The following RNF130 variants were observed in gnomAD, a reference collection of about 807,000 sequenced individuals.
RNF130 encodes the protein ring finger protein 130, also known as E3 ubiquitin-protein ligase RNF130.
Under a neutral mutation model 44.6 loss-of-function variants are expected in RNF130, and 21 were observed. The ratio of observed to expected loss-of-function variants is 0.47; its 90% CI spans 0.33 to 0.68. The LOEUF (loss-of-function observed/expected upper bound fraction) is 0.68. RNF130 is among the 30% of genes least tolerant of loss of function. RNF130 has a pLI of 0.02. For missense variants in RNF130, 479 were observed against 560.6 expected (o/e 0.85, Z 1.47); for synonymous variants, 214 against 210.4 (o/e 1.02, Z -0.15).
At chr5:179,973,357 C>T (rs928517861) in intron 5 of RNF130, among the ~76,000 whole-genome samples, 13 of 152,314 alleles carry the variant, frequency 8.5e-5, no homozygotes, top group Non-Finnish European at 1.8e-4. Context: ...ATTGTCTAAC[C>T]CTCCTGCTAG....
intron 7 of RNF130, among the ~76,000 whole-genome samples, chr5:179,920,936 A>G (rs1388349791): frequency 1.3e-5 from 2 of 151,740 alleles, no homozygotes; most frequent in Non-Finnish European, 2.9e-5. Flanking sequence ...CTGAATTCCC[A>G]CTGTGGAAGA....
At chr5:180,008,348 G>A (rs62404979) in intron 3 of RNF130, among the ~76,000 whole-genome samples, 30,619 of 152,054 alleles carry the variant, frequency 0.2, 3,311 homozygotes, top group Middle Eastern at 0.25. Context: ...AGAGCCCAGT[G>A]GGAATAGGCT....
intron 2 of RNF130, among the ~76,000 whole-genome samples, chr5:180,022,950 G>A (rs1449425436): frequency 6.6e-6 from 1 of 152,192 alleles, no homozygotes; most frequent in African/African-American, 2.4e-5. Context: ...GAGGAAAGTG[G>A]GCTACAGAAG....
At chr5:179,949,246 A>T (rs1388191037) in intron 7 of RNF130, among the ~76,000 whole-genome samples, 5 of 151,574 alleles carry the variant, frequency 3.3e-5, no homozygotes, top group African/African-American at 4.8e-5. Flanking sequence ...GATTACAGGC[A>T]TGAGCCACCG....
At chr5:180,044,974 T>G (rs1174674065) in intron 1 of RNF130, among the ~76,000 whole-genome samples, 1 of 152,172 alleles carries the variant, frequency 6.6e-6, no homozygotes, top group African/African-American at 2.4e-5. Context: ...CAAGATTTAG[T>G]GTTAGCTGGA....
rs371226485 is a variant in RNF130, at chr5:180,013,193, C to T, written c.561G>A (p.Pro187=). ...MTIAVGTRMP[P]KNFSRGSLVF... ...CTAGAGAGCCACGGCTGAAGTTCTTCGGTGGCATTCGAGTTCCAACAGCTA... is the reference window on the plus strand; with the variant it reads ...CTAGAGAGCCACGGCTGAAGTTCTTTGGTGGCATTCGAGTTCCAACAGCTA... Residue 187 remains proline (P), a synonymous_variant, in exon 3 of 9, where the codon CCG becomes CCA. Transcript: ENST00000521389. 90 of 1,613,966 alleles carry T rather than the reference C, an allele frequency of 5.6e-5. No individual in the cohort carries two copies. Among genetic ancestry groups the T allele is most frequent in the South Asian group, 8.8e-5 (8 of 91,084 alleles).
chr5:179,913,032 G>A (rs1761488757), exon 8 of RNF130: 1 of 152,392 alleles, frequency 6.6e-6, no homozygotes, highest in African/African-American at 2.4e-5. Flanking sequence ...GTGCCGCCAG[G>A]AGCTGGGCAG....
At chr5:180,057,932 G>A (rs972210813) in intron 1 of RNF130, among the ~76,000 whole-genome samples, 4 of 152,142 alleles carry the variant, frequency 2.6e-5, no homozygotes, top group Admixed American at 6.5e-5. Flanking sequence ...AGTAGGGGGC[G>A]GTTTTGTGGG....
At chr5:180,017,558 T>C (rs1035638917) in intron 2 of RNF130, among the ~76,000 whole-genome samples, 2 of 152,208 alleles carry the variant, frequency 1.3e-5, no homozygotes, top group Non-Finnish European at 2.9e-5. Flanking sequence ...TGTGATTTCT[T>C]CTACATTTTG....
chr5:179,932,596 G>T (rs1335561917), intron 7 of RNF130, among the ~76,000 whole-genome samples: 2 of 151,858 alleles, frequency 1.3e-5, no homozygotes, highest in Non-Finnish European at 2.9e-5. Flanking sequence ...ACGTCTGTTT[G>T]GGAGGCCGAG....
At position 180,014,374 on chromosome 5, in the gene RNF130, T is replaced by G. The variant is rs573328596; in HGVS notation, c.443-1063A>C. ...TCCTTTCATAAGCTGAAGCTGCCGGTGGCAACATGTAGCTTCTACATTTGC... is the reference window on the plus strand; with the variant it reads ...TCCTTTCATAAGCTGAAGCTGCCGGGGGCAACATGTAGCTTCTACATTTGC... On this transcript the variant is annotated intron_variant, in intron 2 of 8. Coordinates refer to ENST00000521389, the MANE Select transcript of RNF130 (RefSeq NM_018434.6). Among the ~76,000 whole-genome samples the G allele has an allele frequency of 6.6e-5, 10 of 152,332 alleles. No individual in the cohort carries two copies. In the East Asian group the frequency reaches 1.9e-3, roughly 29 times the overall value.
intron 7 of RNF130, among the ~76,000 whole-genome samples, chr5:179,946,610 GT>G (rs1183626865): frequency 1.3e-5 from 2 of 150,690 alleles, no homozygotes; most frequent in Non-Finnish European, 2.9e-5. Context: ...CTGGAGTGCA[GT>G]GGTGTGATCT....
chr5:180,041,024 T>C (rs535674568), intron 1 of RNF130, among the ~76,000 whole-genome samples: 3 of 152,322 alleles, frequency 2.0e-5, no homozygotes, highest in Non-Finnish European at 4.4e-5. Flanking sequence ...TACTCATTCC[T>C]GTTCATGTAC....
At chr5:180,006,584 G>A (rs1292328946) in intron 3 of RNF130, among the ~76,000 whole-genome samples, 2 of 152,190 alleles carry the variant, frequency 1.3e-5, no homozygotes, top group Non-Finnish European at 2.9e-5. Context: ...TTTTCACTGG[G>A]AAGTTTTAAG....
At chr5:180,040,822 A>T (rs1161553364) in intron 1 of RNF130, among the ~76,000 whole-genome samples, 175 bp from the exon 2 acceptor site, 1 of 152,266 alleles carries the variant, frequency 6.6e-6, no homozygotes, top group African/African-American at 2.4e-5. Context: ...CAGTACCTAT[A>T]GGGAGAGATG....
At chr5:179,966,393 A>G (rs1371405676) in intron 7 of RNF130, among the ~76,000 whole-genome samples, 1 of 152,208 alleles carries the variant, frequency 6.6e-6, no homozygotes, top group Non-Finnish European at 1.5e-5. Flanking sequence ...GTTCTAGATG[A>G]GTTTCCCACT....
At chr5:179,957,178 G>A (rs1223605867) in intron 8 of RNF130, among the ~76,000 whole-genome samples, 1 of 152,170 alleles carries the variant, frequency 6.6e-6, no homozygotes, top group Non-Finnish European at 1.5e-5. Context: ...TTGGGAGGCT[G>A]AGGTGGGTGG....
At chr5:180,066,303 G>A (rs367566877) in intron 1 of RNF130, among the ~76,000 whole-genome samples, 48 of 152,242 alleles carry the variant, frequency 3.2e-4, no homozygotes, top group African/African-American at 1.1e-3. Flanking sequence ...TTCTCTTGCT[G>A]CCGCCATGTA....
intron 7 of RNF130, among the ~76,000 whole-genome samples, chr5:179,939,289 T>C (rs1035219206): frequency 1.3e-5 from 2 of 152,100 alleles, no homozygotes; most frequent in Non-Finnish European, 2.9e-5. Context: ...AAAAAAGTGG[T>C]CCTATTATGT....
Sources: allele counts gnomAD v4.1 joint callset (sites outside exome capture counted in the v4.1 genomes callset), GRCh38; gene constraint gnomAD v4.1.1; transcripts MANE v1.5; gene names NCBI Gene and HGNC (gene_info 2026-07-23, HGNC 2026-07-21).